NRG1: variants seen among roughly 807,000 people sequenced by gnomAD.
NRG1 encodes the protein pro-neuregulin-1, membrane-bound isoform.
In NRG1, 18 loss-of-function variants were observed where a neutral mutation model predicts 63.8. The observed-to-expected ratio is 0.28, with a 90% CI of 0.19 to 0.42. The LOEUF is 0.42. Ranked by LOEUF, NRG1 falls within the 10% of genes least tolerant of loss-of-function variation. The pLI, the probability that NRG1 is intolerant of heterozygous loss-of-function variation, is 1.00. For synonymous variants in NRG1, 302 were observed against 301.3 expected (o/e 1.00, Z -0.02); for missense variants, 762 against 814.7 (o/e 0.94, Z 0.79).
chr8:32,412,421 TAC>T (rs1376745643), intron 1 of NRG1, among the ~76,000 whole-genome samples: 1 of 96,834 alleles, frequency 1.0e-5, no homozygotes, highest in African/African-American at 3.7e-5. Flanking sequence ...TCTCTCTCTC[TAC>T]ATATATATAT....
chr8:32,493,838 C>A (rs116208123), intron 1 of NRG1, among the ~76,000 whole-genome samples: 1,927 of 152,194 alleles, frequency 0.013, 44 homozygotes, highest in African/African-American at 0.044. Context: ...GTTGGATAAT[C>A]CCAGATGATG....
intron 1 of NRG1, among the ~76,000 whole-genome samples, chr8:31,936,965 T>C (rs1310675264): frequency 6.6e-6 from 1 of 152,230 alleles, no homozygotes; most frequent in East Asian, 1.9e-4. Context: ...AAGATTTGTG[T>C]TTAAATGACT....
intron 5 of NRG1, among the ~76,000 whole-genome samples, chr8:32,620,521 GA>G (rs57462564): frequency 0.7 from 85,416 of 122,252 alleles, 28,443 homozygotes; most frequent in East Asian, 0.81. Flanking sequence ...TGGATTAGAA[GA>G]AAAAAAAAAA....
chr8:32,027,628 A>G (rs981423087), intron 1 of NRG1, among the ~76,000 whole-genome samples: 1 of 151,994 alleles, frequency 6.6e-6, no homozygotes, highest in African/African-American at 2.4e-5. Flanking sequence ...TGTTTTCTTT[A>G]CTTAATATAC....
At chr8:31,686,808 G>A (rs1052204869) in intron 1 of NRG1, among the ~76,000 whole-genome samples, 1 of 151,952 alleles carries the variant, frequency 6.6e-6, no homozygotes, top group African/African-American at 2.4e-5. Flanking sequence ...TCTCTCTGTG[G>A]CCCAGGCTGA....
At chr8:32,260,816 T>C (rs752409111) in intron 1 of NRG1, among the ~76,000 whole-genome samples, 11 of 152,182 alleles carry the variant, frequency 7.2e-5, no homozygotes, top group Non-Finnish European at 1.6e-4. Context: ...GGCTGGGCTA[T>C]GGCAGACTTT....
intron 1 of NRG1, among the ~76,000 whole-genome samples, chr8:32,334,881 C>T (rs16879153): frequency 0.19 from 28,787 of 152,034 alleles, 3,077 homozygotes; most frequent in Middle Eastern, 0.31. Context: ...GGCAAATCTC[C>T]GTAGCAGGTT....
intron 1 of NRG1, among the ~76,000 whole-genome samples, chr8:32,190,592 A>G (rs1842397703): frequency 1.3e-5 from 2 of 152,132 alleles, no homozygotes; most frequent in South Asian, 4.1e-4. Context: ...TCATGACCAA[A>G]ACAGCTATCG....
At chr8:32,669,431 C>A (rs1402646058) in intron 5 of NRG1, among the ~76,000 whole-genome samples, 3 of 152,052 alleles carry the variant, frequency 2.0e-5, no homozygotes, top group African/African-American at 7.2e-5. Flanking sequence ...TGTTCTAGAA[C>A]TTTTAATGTG....
chr8:31,692,684 G>A (rs189119255), intron 1 of NRG1, among the ~76,000 whole-genome samples: 1 of 152,176 alleles, frequency 6.6e-6, no homozygotes, highest in South Asian at 2.1e-4. Flanking sequence ...AAATAGGACA[G>A]CCACTATGCT....
intron 1 of NRG1, among the ~76,000 whole-genome samples, chr8:32,408,153 G>C (rs1279211211): frequency 6.6e-6 from 1 of 152,130 alleles, no homozygotes; most frequent in Non-Finnish European, 1.5e-5. Flanking sequence ...ACATACTTGG[G>C]GTAGGCAGTG....
intron 1 of NRG1, among the ~76,000 whole-genome samples, chr8:31,723,105 A>C (rs911079837): frequency 1.3e-5 from 2 of 152,188 alleles, no homozygotes; most frequent in Admixed American, 1.3e-4. Context: ...TTAAGAACTT[A>C]ATCTTGATCT....
chr8:32,486,582 T>C (rs2129494073), intron 1 of NRG1, among the ~76,000 whole-genome samples: 1 of 152,186 alleles, frequency 6.6e-6, no homozygotes, highest in East Asian at 1.9e-4. Context: ...AAAAGCAAGT[T>C]TTTAAATACA....
intron 1 of NRG1, among the ~76,000 whole-genome samples, chr8:32,552,109 C>A (rs943238468): frequency 1.3e-5 from 2 of 151,760 alleles, no homozygotes; most frequent in African/African-American, 4.8e-5. Context: ...CAGGGTTTCA[C>A]CATGTTGGCC....
intron 1 of NRG1, among the ~76,000 whole-genome samples, chr8:31,681,990 T>A (rs1808386765): frequency 6.6e-6 from 1 of 152,158 alleles, no homozygotes; most frequent in African/African-American, 2.4e-5. Context: ...CATTAGGGTC[T>A]GCTCTTAGTG....
intron 1 of NRG1, among the ~76,000 whole-genome samples, chr8:31,749,704 C>T (rs577727264): frequency 9.4e-5 from 14 of 148,154 alleles, no homozygotes; most frequent in African/African-American, 2.7e-4. Context: ...GGACAAGAAA[C>T]GGGGCAAGGA....
At chr8:31,883,891 C>A (rs1830533069) in intron 1 of NRG1, among the ~76,000 whole-genome samples, 1 of 152,086 alleles carries the variant, frequency 6.6e-6, no homozygotes, top group Non-Finnish European at 1.5e-5. Flanking sequence ...GATTCTGTAA[C>A]ATCTTAGCAT....
intron 1 of NRG1, among the ~76,000 whole-genome samples, chr8:31,856,287 TA>T (rs1195203875): frequency 6.6e-6 from 1 of 152,162 alleles, no homozygotes; most frequent in African/African-American, 2.4e-5. Context: ...CATAGTCCCA[TA>T]TTTCTTGGAG....
At chr8:31,837,413 C>T (rs1825779421) in intron 1 of NRG1, among the ~76,000 whole-genome samples, 1 of 151,784 alleles carries the variant, frequency 6.6e-6, no homozygotes, top group African/African-American at 2.4e-5. Flanking sequence ...TTATGGTTTA[C>T]CATGTGATGT....
Sources: gnomAD v4.1 joint callset for allele counts (sites outside exome capture counted in the v4.1 genomes callset) on GRCh38, gnomAD v4.1.1 for gene constraint, MANE v1.5 for transcripts, NCBI Gene and HGNC (gene_info 2026-07-23, HGNC 2026-07-21) for gene names.